Variants in PLPP4 observed in about 807,000 individuals in gnomAD.
PLPP4 encodes the protein phospholipid phosphatase 4, also known as diacylglycerol pyrophosphate like 2.
Under a neutral mutation model 32.2 loss-of-function variants are expected in PLPP4, and 20 were observed. The ratio of observed to expected loss-of-function variants is 0.62; its 90% CI spans 0.44 to 0.90. The LOEUF (loss-of-function observed/expected upper bound fraction) is 0.90, where lower values mean the gene tolerates loss of function less well. PLPP4 is among the 40% of genes least tolerant of loss of function. PLPP4 has a pLI of 0.00. For missense variants in PLPP4, 257 were observed against 353.1 expected (o/e 0.73, Z 2.18); for synonymous variants, 127 against 133.0 (o/e 0.95, Z 0.31).
chr10:120,543,056 G>A lies in PLPP4; in HGVS notation c.445+21961G>A, dbSNP rs12217738. On this transcript the variant is annotated intron_variant, in intron 5 of 6. Coordinates refer to ENST00000398250, the MANE Select transcript of PLPP4 (RefSeq NM_001030059.3). ...CACCCATCCCCAGGACGGTGGGTGA[G>A]TGTGGGTGTGGGTGGCAGGACTGGG... Among the ~76,000 whole-genome samples the A allele has an allele frequency of 2.1e-4, 32 of 152,286 alleles. 1 individual carries two copies. The South Asian group carries it at 3.9e-3, about 19-fold the overall frequency.
intron 5 of PLPP4, among the ~76,000 whole-genome samples, chr10:120,559,178 T>G (rs1848303418): frequency 6.6e-6 from 1 of 152,192 alleles, no homozygotes; most frequent in Admixed American, 6.5e-5. Context: ...TTTTGACCAT[T>G]TTTTTCAATT....
intron 5 of PLPP4, among the ~76,000 whole-genome samples, chr10:120,564,843 T>G (rs990156754): frequency 6.6e-6 from 1 of 152,142 alleles, no homozygotes; most frequent in Admixed American, 6.5e-5. Context: ...ATTTTATGTA[T>G]GTATTTAAAA....
At chr10:120,463,023 T>C (rs11199351) in intron 1 of PLPP4, among the ~76,000 whole-genome samples, 6 of 104,938 alleles carry the variant, frequency 5.7e-5, no homozygotes, top group African/African-American at 1.8e-4. Flanking sequence ...TTCTTTCTTT[T>C]TTTTTTTTTT....
rs901371906 is a variant in PLPP4, at chr10:120,536,323, G to A, written c.445+15228G>A. On this transcript the variant is annotated intron_variant, in intron 5 of 6. Coordinates refer to ENST00000398250, the MANE Select transcript of PLPP4 (RefSeq NM_001030059.3). ...TTATAAAACTGTAATAATAAAAACA[G>A]TATAATACTGGCATAAAAACAGACC... 6.6e-5 allele frequency among the ~76,000 whole-genome samples: 10 copies of A among 151,974 alleles called. No homozygotes were observed. The East Asian group carries it at 1.9e-3, about 29-fold the overall frequency.
chr10:120,544,819 G>A (rs1418377100), intron 5 of PLPP4, among the ~76,000 whole-genome samples: 1 of 152,216 alleles, frequency 6.6e-6, no homozygotes, highest in Non-Finnish European at 1.5e-5. Flanking sequence ...GGGCCCATTG[G>A]TTTGAGGCTT....
At chr10:120,561,014 G>A (rs1848409063) in intron 5 of PLPP4, among the ~76,000 whole-genome samples, 1 of 152,082 alleles carries the variant, frequency 6.6e-6, no homozygotes, top group African/African-American at 2.4e-5. Context: ...CAAATTTTCA[G>A]TCACCAACCT....
At chr10:120,476,333 T>C (rs1843908330) in intron 1 of PLPP4, among the ~76,000 whole-genome samples, 1 of 152,266 alleles carries the variant, frequency 6.6e-6, no homozygotes, top group African/African-American at 2.4e-5. Context: ...GTGCTTACTC[T>C]GTGCCAGGTA....
intron 3 of PLPP4, among the ~76,000 whole-genome samples, chr10:120,516,721 C>G (rs1482865677): frequency 6.6e-6 from 1 of 152,164 alleles, no homozygotes; most frequent in Non-Finnish European, 1.5e-5. Context: ...ATGAATCAGA[C>G]CCACTGGGTT....
intron 1 of PLPP4, among the ~76,000 whole-genome samples, chr10:120,492,526 C>T (rs775865168): frequency 1.4e-4 from 21 of 152,200 alleles, no homozygotes; most frequent in Admixed American, 3.9e-4. Flanking sequence ...TGGCTCTTTA[C>T]GTCCATTCTG....
chr10:120,570,095 A>C (rs1017862228), intron 5 of PLPP4, among the ~76,000 whole-genome samples: 1 of 152,170 alleles, frequency 6.6e-6, no homozygotes, highest in African/African-American at 2.4e-5. Flanking sequence ...GAAATGAGGC[A>C]ACCTAATGAA....
intron 1 of PLPP4, among the ~76,000 whole-genome samples, chr10:120,476,041 C>T (rs900222370): frequency 4.6e-5 from 7 of 152,116 alleles, no homozygotes; most frequent in Admixed American, 2.0e-4. Context: ...AACATGGAGA[C>T]GAATAATGGC....
intron 5 of PLPP4, among the ~76,000 whole-genome samples, chr10:120,533,792 C>T (rs1230470697): frequency 5.9e-5 from 9 of 151,938 alleles, no homozygotes; most frequent in Admixed American, 5.9e-4. Flanking sequence ...TTATATTTAC[C>T]TTCTTACCAT....
chr10:120,465,401 G>A (rs1209981714), intron 1 of PLPP4, among the ~76,000 whole-genome samples: 2 of 152,134 alleles, frequency 1.3e-5, no homozygotes, highest in Non-Finnish European at 2.9e-5. Context: ...CTTCATCACA[G>A]TCTCTCAATA....
At position 120,539,999 on chromosome 10, in the gene PLPP4, T is replaced by TAAA. The variant is rs11386207; in HGVS notation, c.445+18917_445+18919dup. Among the ~76,000 whole-genome samples, 52 of 143,030 alleles carry TAAA rather than the reference T, an allele frequency of 3.6e-4. 1 individual carries two copies. The South Asian group carries it at 4.2e-3, about 12-fold the overall frequency. 93.8% of individuals were successfully genotyped at this position (143,030 alleles called of 152,430 possible). A position where few individuals can be genotyped will look rare whatever the true frequency, so the allele number is the denominator to read the frequency against. On this transcript the variant is annotated intron_variant, in intron 5 of 6. Transcript: ENST00000398250. ...GATCCCAAGGTGATTAGTAAACTTG[T>TAAA]AAAAAAAAAAAAAAAGGCTCAATTT...
intron 1 of PLPP4, among the ~76,000 whole-genome samples, chr10:120,475,857 C>T (rs796505875): frequency 1.4e-4 from 21 of 152,128 alleles, no homozygotes; most frequent in African/African-American, 5.1e-4. Context: ...CAGATGGTAA[C>T]ACTCACCTTC....
chr10:120,517,148 G>C (rs1341023236), intron 3 of PLPP4, among the ~76,000 whole-genome samples: 1 of 152,156 alleles, frequency 6.6e-6, no homozygotes, highest in Non-Finnish European at 1.5e-5. Flanking sequence ...AGATTTACAT[G>C]GGGCGATAGG....
intron 1 of PLPP4, among the ~76,000 whole-genome samples, chr10:120,485,362 C>T (rs764995684): frequency 5.8e-4 from 89 of 152,228 alleles, no homozygotes; most frequent in Non-Finnish European, 6.9e-4. Context: ...TGAGCCTCTG[C>T]ATTAGGACTG....
Position 120,512,305 on chromosome 10 carries a change from C to T in PLPP4, c.166-1606C>T, listed in dbSNP as rs1246900139. Among the ~76,000 whole-genome samples the T allele has an allele frequency of 6.6e-5, 10 of 152,328 alleles. No individual in the cohort carries two copies. The South Asian group carries it at 1.5e-3, about 22-fold the overall frequency. On this transcript the variant is annotated intron_variant, in intron 2 of 6. Coordinates refer to ENST00000398250, the MANE Select transcript of PLPP4 (RefSeq NM_001030059.3). The stretch of plus-strand genomic sequence containing the variant: ...TCTCTGTAGCAGTTCTGAATCTCCT[C>T]TAGTGCATCAGCCCTTTAGCACCTG...
intron 5 of PLPP4, among the ~76,000 whole-genome samples, chr10:120,558,943 T>C (rs1304151047): frequency 1.3e-5 from 2 of 152,196 alleles, no homozygotes; most frequent in Non-Finnish European, 2.9e-5. Context: ...TAATAACTAA[T>C]GACAAACTGT....
Sources: allele counts gnomAD v4.1 joint callset (sites outside exome capture counted in the v4.1 genomes callset), GRCh38; gene constraint gnomAD v4.1.1; transcripts MANE v1.5; gene names NCBI Gene and HGNC (gene_info 2026-07-23, HGNC 2026-07-21).